The following PTPRN2 variants were observed in gnomAD, a reference collection of about 807,000 sequenced individuals.
The protein encoded by PTPRN2 is protein tyrosine phosphatase receptor type N2.
Under a neutral mutation model 118.8 loss-of-function variants are expected in PTPRN2, and 74 were observed. That is an observed-to-expected ratio of 0.62 (90% CI 0.52 to 0.76). PTPRN2 has a LOEUF of 0.76. Among genes scored for constraint, PTPRN2 ranks in the 30% least tolerant of loss-of-function variants. The pLI is 0.00. For missense variants in PTPRN2, 1,481 were observed against 1,394.4 expected (o/e 1.06, Z -0.99); for synonymous variants, 641 against 608.0 (o/e 1.05, Z -0.80).
At chr7:157,710,046 G>A (rs1439115423) in intron 12 of PTPRN2, among the ~76,000 whole-genome samples, 1 of 152,126 alleles carries the variant, frequency 6.6e-6, no homozygotes, top group African/African-American at 2.4e-5. Flanking sequence ...CGGACGCATG[G>A]GTGTGTCCCC....
At chr7:158,175,525 A>C (rs1824111986) in intron 5 of PTPRN2, among the ~76,000 whole-genome samples, 1 of 152,126 alleles carries the variant, frequency 6.6e-6, no homozygotes, top group Admixed American at 6.5e-5. Context: ...TCAGTGTTTA[A>C]CAGTGCTCAG....
At chr7:158,292,461 T>G (rs1352099291) in intron 3 of PTPRN2, among the ~76,000 whole-genome samples, 1 of 152,232 alleles carries the variant, frequency 6.6e-6, no homozygotes, top group Admixed American at 6.5e-5. Flanking sequence ...TGCAAGCTTT[T>G]AAAGCATTCA....
intron 1 of PTPRN2, among the ~76,000 whole-genome samples, chr7:158,519,666 C>A (rs1361526231): frequency 1.3e-5 from 2 of 152,164 alleles, no homozygotes; most frequent in East Asian, 1.9e-4. Context: ...AGTGGCCATA[C>A]AACATCCCCA....
chr7:157,576,744 G>T lies in PTPRN2; in HGVS notation c.2652C>A (p.Asp884Glu). 6.2e-7 allele frequency: 1 copy of T among 1,608,934 alleles called. No homozygotes were observed. The highest frequency in any genetic ancestry group is 8.5e-7 in the Non-Finnish European group (1 of 1,177,448). Residue 884 changes from aspartate (D) to glutamate (E), a missense_variant, in exon 19 of 23, where the codon GAC becomes GAA. Transcript: ENST00000389418. Reference sequence around the variant, plus strand: ...TCAGATAGAAGCTCCTCACCAGGAAGTCCTCACACCAGATGTGCTCGGAGA... The same window carrying T: ...TCAGATAGAAGCTCCTCACCAGGAATTCCTCACACCAGATGTGCTCGGAGA... ...NLVSEHIWCEDFLVRSFYLKN... is the reference protein window; with the variant it reads ...NLVSEHIWCEEFLVRSFYLKN...
intron 2 of PTPRN2, among the ~76,000 whole-genome samples, chr7:158,320,283 G>C (rs946477237): frequency 2.6e-5 from 4 of 152,156 alleles, no homozygotes; most frequent in Admixed American, 6.5e-5. Flanking sequence ...AGACCAACAC[G>C]AGTGACTGCT....
intron 4 of PTPRN2, among the ~76,000 whole-genome samples, chr7:158,200,357 T>G (rs111713670): frequency 6.6e-6 from 1 of 152,136 alleles, no homozygotes; most frequent in Non-Finnish European, 1.5e-5. Flanking sequence ...CCACTAATGA[T>G]GGACGCCGAG....
intron 12 of PTPRN2, among the ~76,000 whole-genome samples, chr7:157,880,527 C>T (rs80096233): frequency 0.011 from 1,687 of 152,292 alleles, 29 homozygotes; most frequent in African/African-American, 0.038. Context: ...CCTGTACATC[C>T]TCCCTGCAAA....
Position 158,570,363 on chromosome 7 carries a change from AAATT to A in PTPRN2, c.112+17191_112+17194del, listed in dbSNP as rs1163923588. ...GGACAAGGTGTTTTGCTGAATAAAT[AAATT>A]AATACATAATAAAGGCTGCGTCCAA... On this transcript the variant is annotated intron_variant, in intron 1 of 22. Transcript: ENST00000389418. This position sits in a 1 kb window ranked among gnomAD's most constrained non-coding sequence, Gnocchi z 4.5. Among the ~76,000 whole-genome samples, 7 of 152,222 alleles carry A rather than the reference AAATT, an allele frequency of 4.6e-5. No homozygotes were observed. Among genetic ancestry groups the A allele is most frequent in the Non-Finnish European group, 8.8e-5 (6 of 68,046 alleles).
At chr7:157,669,265 G>A (rs1317723633) in intron 13 of PTPRN2, among the ~76,000 whole-genome samples, 3 of 152,222 alleles carry the variant, frequency 2.0e-5, no homozygotes, top group Non-Finnish European at 2.9e-5. Context: ...CCCGGCAGCC[G>A]AGCCTGTCCG....
At chr7:157,775,189 G>A (rs1047788332) in intron 12 of PTPRN2, among the ~76,000 whole-genome samples, 4 of 152,126 alleles carry the variant, frequency 2.6e-5, no homozygotes, top group East Asian at 3.9e-4. Context: ...GGAAGATGGC[G>A]CCACTCTGCA....
chr7:157,778,148 TG>T (rs1253735937), intron 12 of PTPRN2, among the ~76,000 whole-genome samples: 1 of 152,220 alleles, frequency 6.6e-6, no homozygotes, highest in Non-Finnish European at 1.5e-5. Context: ...TTTTCCTCCC[TG>T]GGGACAGGCT....
chr7:157,758,910 C>T (rs1237794554), intron 12 of PTPRN2, among the ~76,000 whole-genome samples: 3 of 152,226 alleles, frequency 2.0e-5, no homozygotes, highest in Admixed American at 6.5e-5. Flanking sequence ...GGTTTCCCTG[C>T]CACGGTACGC....
At chr7:158,163,659 A>G (rs79661567) in intron 6 of PTPRN2, among the ~76,000 whole-genome samples, 125 of 49,140 alleles carry the variant, frequency 2.5e-3, no homozygotes, top group East Asian at 8.9e-3. Context: ...CGCCCGTATG[A>G]AGTTCTCAAT....
At chr7:158,122,779 T>C (rs1343294970) in intron 9 of PTPRN2, among the ~76,000 whole-genome samples, 1 of 152,240 alleles carries the variant, frequency 6.6e-6, no homozygotes, top group Non-Finnish European at 1.5e-5. Context: ...CACTTTATCA[T>C]TCAGGCTATG....
At chr7:158,524,427 G>T (rs1243127697) in intron 1 of PTPRN2, among the ~76,000 whole-genome samples, 5 of 142,230 alleles carry the variant, frequency 3.5e-5, no homozygotes, top group African/African-American at 1.4e-4. Flanking sequence ...GTCTGCCCTG[G>T]AGTGGAGTCG....
intron 1 of PTPRN2, among the ~76,000 whole-genome samples, chr7:158,507,290 A>G (rs993871324): frequency 2.0e-5 from 3 of 152,046 alleles, no homozygotes; most frequent in Non-Finnish European, 4.4e-5. Context: ...AGGAGACTGC[A>G]CACAAGAAGG....
intron 1 of PTPRN2, among the ~76,000 whole-genome samples, chr7:158,507,738 G>A (rs796481668): frequency 9.9e-5 from 15 of 151,312 alleles, no homozygotes; most frequent in African/African-American, 3.7e-4. Context: ...CCAGGGGACA[G>A]CCCCATGCTA....
intron 11 of PTPRN2, among the ~76,000 whole-genome samples, chr7:157,996,367 C>T (rs758145474): frequency 6.6e-6 from 1 of 152,234 alleles, no homozygotes; most frequent in Non-Finnish European, 1.5e-5. Flanking sequence ...CCAGACTTCA[C>T]CACTACACAA....
At chr7:158,331,497 C>A (rs111899826) in intron 2 of PTPRN2, among the ~76,000 whole-genome samples, 166 of 68,116 alleles carry the variant, frequency 2.4e-3, no homozygotes, top group Middle Eastern at 0.027. Context: ...TCTCACCATA[C>A]GAGCTGTCAC....
Sources: allele counts gnomAD v4.1 joint callset (sites outside exome capture counted in the v4.1 genomes callset), GRCh38; gene constraint gnomAD v4.1.1; non-coding constraint Gnocchi (gnomAD v3.1); transcripts MANE v1.5; gene names NCBI Gene and HGNC (gene_info 2026-07-23, HGNC 2026-07-21).